NCK1: variants seen among roughly 807,000 people sequenced by gnomAD.
NCK1 encodes NCK adaptor protein 1.
In NCK1, 19 loss-of-function variants were observed where a neutral mutation model predicts 36.6. The ratio of observed to expected loss-of-function variants is 0.52; its 90% confidence interval spans 0.36 to 0.76. NCK1 has a LOEUF of 0.76. NCK1 is among the 30% of genes least tolerant of loss of function. The pLI, the probability that NCK1 is intolerant of heterozygous loss-of-function variation, is 0.00. For synonymous variants in NCK1, 165 were observed against 156.0 expected (o/e 1.06, Z -0.43); for missense variants, 358 against 445.6 (o/e 0.80, Z 1.77).
rs145757294 is a variant in NCK1 at position 136,869,664 on chromosome 3, A to G, written c.-19+7311A>G. On this transcript the variant is annotated intron_variant, in intron 1 of 3. Coordinates refer to ENST00000481752, the MANE Select transcript of NCK1 (RefSeq NM_001291999.2). ...CTCTAAAGTTTCTGTAACAGAAACC[A>G]TGTATGGTTGCTTTCGTATTTTTCT... is the stretch of plus-strand genomic sequence containing the variant. 7.2e-3 allele frequency among the ~76,000 whole-genome samples: 1,102 copies of G among 152,300 alleles called. 16 individuals are homozygous for G. The highest frequency in any genetic ancestry group is 0.025 in the African/African-American group (1,027 of 41,562).
At chr3:136,891,062 A>G (rs1227969949) in intron 1 of NCK1, among the ~76,000 whole-genome samples, 1 of 152,226 alleles carries the variant, frequency 6.6e-6, no homozygotes, top group Non-Finnish European at 1.5e-5. Context: ...GCATGTGTCT[A>G]AAGTTCCTCC....
chr3:136,917,096 G>A (rs1188234697), intron 1 of NCK1, among the ~76,000 whole-genome samples: 2 of 152,200 alleles, frequency 1.3e-5, no homozygotes, highest in East Asian at 3.9e-4. Context: ...AAAATGTGGA[G>A]CATTGGTTCA....
intron 1 of NCK1, among the ~76,000 whole-genome samples, chr3:136,892,608 G>T (rs527433350): frequency 6.6e-6 from 1 of 152,328 alleles, no homozygotes; most frequent in Admixed American, 6.5e-5. Flanking sequence ...TGCAGGCTTT[G>T]ATTGTAGCTT....
intron 1 of NCK1, among the ~76,000 whole-genome samples, chr3:136,923,097 CTATGTG>C (rs1391880952): frequency 6.8e-6 from 1 of 147,482 alleles, no homozygotes; most frequent in South Asian, 2.2e-4. Context: ...TAGTCTATGC[CTATGTG>C]TATGTGTGTG....
chr3:136,919,710 T>G (rs1940056151), intron 1 of NCK1, among the ~76,000 whole-genome samples: 1 of 152,172 alleles, frequency 6.6e-6, no homozygotes, highest in Non-Finnish European at 1.5e-5. Context: ...ATTTAATCAG[T>G]CATATTGTGT....
At chr3:136,894,949 C>T (rs983256697) in intron 1 of NCK1, among the ~76,000 whole-genome samples, 1 of 152,026 alleles carries the variant, frequency 6.6e-6, no homozygotes, top group Non-Finnish European at 1.5e-5. Context: ...TATCTCGGCT[C>T]ACTGCAACCT....
rs947447252 is a variant in NCK1, at chr3:136,951,244, C to G, written c.*2791C>G. Among the ~76,000 whole-genome samples, 1 of 152,164 alleles carries G rather than the reference C, an allele frequency of 6.6e-6. No homozygotes were observed. On this transcript the variant is annotated 3_prime_UTR_variant, in exon 4 of 4. Transcript: ENST00000481752. ...AGCAGAGTTGTCACAGTCTCTGTAG[C>G]ACGTTTGTGAGAATTCTCTAGGCAG...
At chr3:136,910,464 GT>G (rs1939805089) in intron 1 of NCK1, among the ~76,000 whole-genome samples, 1 of 152,106 alleles carries the variant, frequency 6.6e-6, no homozygotes, top group Non-Finnish European at 1.5e-5. Context: ...GTAAAGTTAT[GT>G]TTAAAAAATT....
chr3:136,934,281 T>C (rs1940467953), intron 2 of NCK1, among the ~76,000 whole-genome samples: 1 of 151,908 alleles, frequency 6.6e-6, no homozygotes, highest in South Asian at 2.1e-4. Context: ...GCTGTTCATA[T>C]TATTTCTTTC....
At position 136,898,448 on chromosome 3, in the gene NCK1, C is replaced by T. The variant is rs115995074; in HGVS notation, c.-18-29536C>T. On this transcript the variant is annotated intron_variant, in intron 1 of 3. Coordinates refer to ENST00000481752, the MANE Select transcript of NCK1 (RefSeq NM_001291999.2). ...AAGAAAAAAGCATTTCAAAACATTT[C>T]CACTTTTATTAAAGGTTTTGACAAT... Among the ~76,000 whole-genome samples the T allele has an allele frequency of 5.6e-3, 849 of 150,758 alleles. 4 individuals carry two copies. Among genetic ancestry groups the T allele is most frequent in the Non-Finnish European group, 1.0e-2 (678 of 67,860 alleles).
intron 2 of NCK1, chr3:136,930,628 CTTG>C (rs1940366748): frequency 1.4e-6 from 2 of 1,391,114 alleles, no homozygotes; most frequent in East Asian, 5.5e-5. Flanking sequence ...CCACTGTTTT[CTTG>C]AAGTTGTGAA....
At chr3:136,876,071 T>C (rs1274785078) in intron 1 of NCK1, among the ~76,000 whole-genome samples, 1 of 151,372 alleles carries the variant, frequency 6.6e-6, no homozygotes, top group East Asian at 1.9e-4. Context: ...CATAACGAAA[T>C]GAAGGCAGAA....
At chr3:136,878,102 A>G (rs140529634) in intron 1 of NCK1, among the ~76,000 whole-genome samples, 9 of 152,302 alleles carry the variant, frequency 5.9e-5, no homozygotes, top group Non-Finnish European at 1.3e-4. Context: ...TATAACACAG[A>G]TAAACCTTTA....
At chr3:136,891,072 C>T (rs898422408) in intron 1 of NCK1, among the ~76,000 whole-genome samples, 3 of 152,192 alleles carry the variant, frequency 2.0e-5, no homozygotes, top group Admixed American at 6.5e-5. Flanking sequence ...AAAGTTCCTC[C>T]CCGACCAAAG....
intron 1 of NCK1, among the ~76,000 whole-genome samples, chr3:136,875,143 G>T (rs1194010978): frequency 6.6e-6 from 1 of 152,040 alleles, no homozygotes; most frequent in East Asian, 1.9e-4. Context: ...AGTCTTTGAG[G>T]ACTGTCATAA....
intron 1 of NCK1, among the ~76,000 whole-genome samples, chr3:136,883,796 A>G (rs1355902590): frequency 2.0e-5 from 3 of 152,202 alleles, no homozygotes; most frequent in Non-Finnish European, 4.4e-5. Context: ...TAGTGATGTC[A>G]GTGTAAATGG....
chr3:136,862,731 G>A (rs1024046832), intron 1 of NCK1, among the ~76,000 whole-genome samples: 1 of 152,256 alleles, frequency 6.6e-6, no homozygotes, highest in Non-Finnish European at 1.5e-5. Context: ...GCCAGCTGTG[G>A]CGTAATCCGA....
chr3:136,870,713 G>A (rs1250270047), intron 1 of NCK1, among the ~76,000 whole-genome samples: 1 of 135,140 alleles, frequency 7.4e-6, no homozygotes, highest in East Asian at 2.2e-4. Flanking sequence ...AAAAAGGCCT[G>A]TGAGGTCTTG....
At chr3:136,916,819 G>C (rs565822969) in intron 1 of NCK1, among the ~76,000 whole-genome samples, 1 of 152,128 alleles carries the variant, frequency 6.6e-6, no homozygotes. Context: ...ATATTATCCA[G>C]TTCAATTCCC....
Sources: allele counts gnomAD v4.1 joint callset (sites outside exome capture counted in the v4.1 genomes callset), GRCh38; gene constraint gnomAD v4.1.1; transcripts MANE v1.5; gene names NCBI Gene and HGNC (gene_info 2026-07-23, HGNC 2026-07-21).